Variants in ZNF215 observed in about 807,000 individuals in gnomAD.
ZNF215 encodes zinc finger protein 215, also known as BWSCR2-associated zinc finger protein 2.
ZNF215 carries 24 observed loss-of-function variants against 27.2 expected under a neutral mutation model. The ratio of observed to expected loss-of-function variants is 0.88; its 90% CI spans 0.64 to 1.24. The LOEUF (loss-of-function observed/expected upper bound fraction) is 1.24. Among genes scored for constraint, ZNF215 ranks in the 50% most tolerant of loss-of-function variants. ZNF215 has a pLI of 0.00. For synonymous variants in ZNF215, 210 were observed against 204.0 expected (o/e 1.03, Z -0.25); for missense variants, 675 against 605.7 (o/e 1.11, Z -1.20).
At chr11:6,938,570 G>T (rs779530135) in intron 3 of ZNF215, among the ~76,000 whole-genome samples, 39 of 150,986 alleles carry the variant, frequency 2.6e-4, no homozygotes, top group Non-Finnish European at 5.3e-4. Flanking sequence ...GTATTATTCT[G>T]CCATAAAAAA....
At chr11:6,939,358 A>G (rs1849554843) in intron 3 of ZNF215, among the ~76,000 whole-genome samples, 1 of 152,336 alleles carries the variant, frequency 6.6e-6, no homozygotes, top group African/African-American at 2.4e-5. Context: ...TTCACAGTAC[A>G]TTAGGCTCTC....
At chr11:6,936,615 C>G (rs1007752990) in intron 3 of ZNF215, among the ~76,000 whole-genome samples, 3 of 152,058 alleles carry the variant, frequency 2.0e-5, no homozygotes, top group Non-Finnish European at 2.9e-5. Context: ...AGGAACACTT[C>G]TTAAGTTATC....
Position 6,926,580 on chromosome 11 carries a change from A to C in ZNF215, c.-431A>C, listed in dbSNP as rs1236509142. On this transcript the variant is annotated 5_prime_UTR_variant, in exon 1 of 7. Transcript: ENST00000278319. ...GAAACTCGGAGCCGGCAGTGAGTTG[A>C]GGGTTCGGCGAGGTCAGGGATTCCT... is the stretch of plus-strand genomic sequence containing the variant. The C allele has an allele frequency of 6.6e-6, 1 of 152,262 alleles. No homozygotes were observed. Among genetic ancestry groups the C allele is most frequent in the Non-Finnish European group, 1.5e-5 (1 of 68,114 alleles). 9.4% of individuals were successfully genotyped at this position (152,262 alleles called of 1,614,324 possible).
At chr11:6,950,938 A>G (rs1182565099) in intron 6 of ZNF215, among the ~76,000 whole-genome samples, 3 of 152,188 alleles carry the variant, frequency 2.0e-5, no homozygotes, top group African/African-American at 7.2e-5. Flanking sequence ...AGTTTTTAGC[A>G]TGAAGGGTTG....
chr11:6,950,021 T>G (rs1849989371), intron 6 of ZNF215, among the ~76,000 whole-genome samples: 1 of 151,886 alleles, frequency 6.6e-6, no homozygotes, highest in Admixed American at 6.6e-5. Context: ...TTTGTCAGGT[T>G]TGTCAAAGAT....
At chr11:6,930,143 G>A (rs1046520406) in intron 2 of ZNF215, among the ~76,000 whole-genome samples, 4 of 148,228 alleles carry the variant, frequency 2.7e-5, no homozygotes, top group Admixed American at 1.4e-4. Context: ...CTTTCTGGCA[G>A]TACAAGATGC....
downstream of ZNF215, among the ~76,000 whole-genome samples, chr11:6,987,043 C>A (rs960914900): frequency 6.6e-6 from 1 of 152,042 alleles, no homozygotes; most frequent in African/African-American, 2.4e-5. Flanking sequence ...GGTACATACA[C>A]AAAAGAAAAT....
chr11:6,980,473 A>G (rs1005721586), intron 5 of ZNF215, among the ~76,000 whole-genome samples: 2 of 152,084 alleles, frequency 1.3e-5, no homozygotes, highest in African/African-American at 2.4e-5. Context: ...TCCGTTTTCA[A>G]TGTTTGAATT....
chr11:6,980,293 CAT>C (rs113319051), intron 5 of ZNF215, among the ~76,000 whole-genome samples: 2,473 of 152,052 alleles, frequency 0.016, 74 homozygotes, highest in African/African-American at 0.056. Context: ...ATGAATTAAA[CAT>C]ATGTCATTTT....
intron 5 of ZNF215, among the ~76,000 whole-genome samples, chr11:6,973,371 C>G (rs1369244592): frequency 6.6e-5 from 10 of 152,150 alleles, no homozygotes; most frequent in Admixed American, 6.6e-4. Context: ...GTGCATGTGT[C>G]TTTATAGCAG....
intron 4 of ZNF215, 105 bp downstream of exon 4, chr11:6,941,758 A>G: frequency 4.2e-6 from 5 of 1,177,472 alleles, no homozygotes; most frequent in Non-Finnish European, 6.1e-6. Context: ...GTTCCATCCA[A>G]GAACATGAGA....
At position 6,956,304 on chromosome 11, in the gene ZNF215, G is replaced by T; in HGVS notation, c.1327G>T (p.Ala443Ser). Reference protein sequence around the residue: ...KACTSNKCGKAFSKSEDSNNP... With the variant: ...KACTSNKCGKSFSKSEDSNNP... ...CTGCACAAGCAATAAATGTGGAAAG[G>T]CCTTCAGTAAAAGTGAAGACAGTAA... is the stretch of plus-strand genomic sequence containing the variant. The change falls in exon 7 of 7, where the codon GCC becomes TCC. Residue 443 changes from alanine to serine, a missense_variant. Physicochemically the swap from Ala to Ser is moderately conservative, Grantham distance 99. Coordinates refer to ENST00000278319, the MANE Select transcript of ZNF215 (RefSeq NM_013250.4). The T allele has an allele frequency of 6.2e-7, 1 of 1,614,126 alleles. No individual in the cohort carries two copies. Among genetic ancestry groups the T allele is most frequent in the Non-Finnish European group, 8.5e-7 (1 of 1,180,000 alleles).
chr11:6,954,080 A>T (rs1361057157), intron 6 of ZNF215, among the ~76,000 whole-genome samples: 1 of 152,002 alleles, frequency 6.6e-6, no homozygotes, highest in African/African-American at 2.4e-5. Flanking sequence ...CTGCTGTCTG[A>T]TCGTTTCTCT....
chr11:6,950,176 A>G (rs192429104), intron 6 of ZNF215, among the ~76,000 whole-genome samples: 10,545 of 148,358 alleles, frequency 0.071, 689 homozygotes, highest in African/African-American at 0.17. Flanking sequence ...TGATGCCTCC[A>G]GCTTTGTTCT....
chr11:6,969,500 C>G (rs1850680878), intron 5 of ZNF215, among the ~76,000 whole-genome samples: 1 of 151,748 alleles, frequency 6.6e-6, no homozygotes, highest in Non-Finnish European at 1.5e-5. Context: ...GTACAAATAA[C>G]TTGAATGTAC....
intron 6 of ZNF215, among the ~76,000 whole-genome samples, chr11:6,944,669 A>T (rs1849753836): frequency 6.6e-6 from 1 of 152,174 alleles, no homozygotes; most frequent in African/African-American, 2.4e-5. Context: ...CTTGCTCATT[A>T]CTTCAGTATC....
At chr11:6,982,852 A>C (rs1850986132) in intron 5 of ZNF215, among the ~76,000 whole-genome samples, 1 of 152,012 alleles carries the variant, frequency 6.6e-6, no homozygotes, top group African/African-American at 2.4e-5. Context: ...AAAGAACTAG[A>C]AAAGCAAGAA....
At chr11:6,951,246 A>G (rs867120620) in intron 6 of ZNF215, among the ~76,000 whole-genome samples, 4 of 152,122 alleles carry the variant, frequency 2.6e-5, no homozygotes, top group African/African-American at 9.7e-5. Context: ...TGCTGGCCTC[A>G]TAAAATGAGT....
intron 5 of ZNF215, among the ~76,000 whole-genome samples, chr11:6,979,868 C>G (rs945158351): frequency 3.3e-5 from 5 of 152,036 alleles, no homozygotes; most frequent in Admixed American, 6.6e-5. Context: ...ACCTACGTGA[C>G]AGCTATAAAC....
Sources: allele counts gnomAD v4.1 joint callset (sites outside exome capture counted in the v4.1 genomes callset), GRCh38; gene constraint gnomAD v4.1.1; transcripts MANE v1.5; gene names NCBI Gene and HGNC (gene_info 2026-07-23, HGNC 2026-07-21).